SCHIP1: variants seen among roughly 807,000 people sequenced by gnomAD.
SCHIP1 encodes schwannomin interacting protein 1, also known as schwannomin-interacting protein 1.
In SCHIP1, 8 loss-of-function variants were observed where a neutral mutation model predicts 29.7. The ratio of observed to expected loss-of-function variants is 0.27; its 90% CI spans 0.16 to 0.49. The LOEUF is 0.49. SCHIP1 is among the 20% of genes least tolerant of loss of function. SCHIP1 has a pLI of 0.99. For synonymous variants in SCHIP1, 76 were observed against 94.9 expected (o/e 0.80, Z 1.16); for missense variants, 193 against 294.6 (o/e 0.66, Z 2.52).
the SCHIP1 span, among the ~76,000 whole-genome samples, chr3:159,804,932 G>A: frequency 6.6e-6 from 1 of 152,134 alleles, no homozygotes; most frequent in Non-Finnish European, 1.5e-5. Context: ...TCACTGTCTA[G>A]GGAGAGGGAG....
At chr3:159,422,800 A>G in the SCHIP1 span, among the ~76,000 whole-genome samples, 4 of 152,216 alleles carry the variant, frequency 2.6e-5, no homozygotes, top group Non-Finnish European at 4.4e-5. Context: ...ATTGCTGTAC[A>G]GTATTCCATT....
At chr3:159,443,281 A>T in the SCHIP1 span, among the ~76,000 whole-genome samples, 1 of 152,208 alleles carries the variant, frequency 6.6e-6, no homozygotes, top group African/African-American at 2.4e-5. Flanking sequence ...TTCAGCTGAG[A>T]TTCTGGTTCT....
At chr3:159,685,305 A>G in the SCHIP1 span, among the ~76,000 whole-genome samples, 1 of 152,222 alleles carries the variant, frequency 6.6e-6, no homozygotes, top group African/African-American at 2.4e-5. Context: ...TACAGAAAAC[A>G]TAACATAAAT....
the SCHIP1 span, among the ~76,000 whole-genome samples, chr3:159,363,528 A>G: frequency 6.6e-6 from 1 of 152,116 alleles, no homozygotes; most frequent in African/African-American, 2.4e-5. Flanking sequence ...GCCCCTCCCC[A>G]CCAGACAGAT....
chr3:159,694,576 GAA>G, the SCHIP1 span, among the ~76,000 whole-genome samples: 1 of 149,250 alleles, frequency 6.7e-6, no homozygotes, highest in Non-Finnish European at 1.5e-5. Context: ...AAGAAAGAAA[GAA>G]AGAAAGAAAG....
the SCHIP1 span, chr3:159,764,276 G>A: frequency 1.2e-5 from 8 of 685,872 alleles, no homozygotes; most frequent in Non-Finnish European, 1.8e-5. The surrounding 1 kb of genome is among the most constrained non-coding windows in gnomAD (Gnocchi z 6.1). Flanking sequence ...CGGGCAGGAG[G>A]GAAGCCTCAG....
chr3:159,742,675 C>CA, the SCHIP1 span, among the ~76,000 whole-genome samples: 2 of 145,418 alleles, frequency 1.4e-5, no homozygotes, highest in East Asian at 2.0e-4. Flanking sequence ...TTTTCTTTTT[C>CA]TTTTTTTTTT....
At chr3:159,580,432 AGGT>A in the SCHIP1 span, among the ~76,000 whole-genome samples, 2 of 152,194 alleles carry the variant, frequency 1.3e-5, no homozygotes, top group African/African-American at 4.8e-5. Flanking sequence ...AGGAAGAAGC[AGGT>A]GAGGCCAGTG....
chr3:159,363,222 A>T, the SCHIP1 span, among the ~76,000 whole-genome samples: 319 of 152,344 alleles, frequency 2.1e-3, no homozygotes, highest in Non-Finnish European at 3.9e-3. Context: ...GCATCAAGTG[A>T]TTCAAAATAC....
chr3:159,512,120 A>G, the SCHIP1 span, among the ~76,000 whole-genome samples: 1 of 152,194 alleles, frequency 6.6e-6, no homozygotes, highest in Non-Finnish European at 1.5e-5. Context: ...ATCAACAACA[A>G]CAAAATATAT....
chr3:159,586,278 C>A, the SCHIP1 span, among the ~76,000 whole-genome samples: 22 of 152,288 alleles, frequency 1.4e-4, no homozygotes, highest in Admixed American at 5.9e-4. Flanking sequence ...AGCAGGGGAG[C>A]AAAGGTTGCT....
At chr3:159,410,509 AAACAGGC>A in the SCHIP1 span, among the ~76,000 whole-genome samples, 182 of 152,294 alleles carry the variant, frequency 1.2e-3, 1 homozygote, top group Admixed American at 9.6e-3. Flanking sequence ...TACAAATGGC[AAACAGGC>A]CTATGAAAAA....
chr3:159,556,685 G>T, the SCHIP1 span, among the ~76,000 whole-genome samples: 4 of 146,412 alleles, frequency 2.7e-5, no homozygotes, highest in Admixed American at 7.0e-5. Flanking sequence ...ACCAAACACC[G>T]CTTGTTCTCA....
At chr3:159,601,559 G>C in the SCHIP1 span, among the ~76,000 whole-genome samples, 6 of 152,174 alleles carry the variant, frequency 3.9e-5, no homozygotes, top group Non-Finnish European at 5.9e-5. Context: ...CTCTATATGA[G>C]AGCTTAAGCA....
intron 2 of SCHIP1, among the ~76,000 whole-genome samples, chr3:159,875,986 T>C (rs1487338785): frequency 6.6e-6 from 1 of 152,128 alleles, no homozygotes; most frequent in Non-Finnish European, 1.5e-5. Context: ...CAGAAACCAT[T>C]AGTGCAATCA....
the SCHIP1 span, among the ~76,000 whole-genome samples, chr3:159,424,049 A>ACCCCATCTGTACATC: frequency 1.9e-5 from 1 of 53,216 alleles, no homozygotes. Flanking sequence ...CCACACCAAA[A>ACCCCATCTGTACATC]ACCCATCAAA....
At chr3:159,470,333 G>A in the SCHIP1 span, among the ~76,000 whole-genome samples, 3 of 152,154 alleles carry the variant, frequency 2.0e-5, no homozygotes, top group Non-Finnish European at 2.9e-5. Context: ...GAGAGACGTG[G>A]CATGACTGTA....
the SCHIP1 span, among the ~76,000 whole-genome samples, chr3:159,594,172 T>C: frequency 6.6e-6 from 1 of 152,314 alleles, no homozygotes; most frequent in East Asian, 1.9e-4. Flanking sequence ...TTCACTAGCT[T>C]CCTGTGTTTA....
chr3:159,579,622 A>T, the SCHIP1 span, among the ~76,000 whole-genome samples: 1 of 152,338 alleles, frequency 6.6e-6, no homozygotes, highest in South Asian at 2.1e-4. Flanking sequence ...GTTGAGAGGA[A>T]GGAATAACTG....
Sources: gnomAD v4.1 joint callset for allele counts (sites outside exome capture counted in the v4.1 genomes callset) on GRCh38, gnomAD v4.1.1 for gene constraint, Gnocchi (gnomAD v3.1) non-coding constraint, MANE v1.5 for transcripts, NCBI Gene and HGNC (gene_info 2026-07-23, HGNC 2026-07-21) for gene names.